The following SH3RF3 variants were observed in gnomAD, a reference collection of about 807,000 sequenced individuals.
SH3RF3 encodes the protein SH3 domain containing ring finger 3.
SH3RF3 carries 29 observed loss-of-function variants against 66.3 expected under a neutral mutation model. The observed-to-expected ratio is 0.44, with a 90% CI of 0.33 to 0.60. The LOEUF (loss-of-function observed/expected upper bound fraction) is 0.60. SH3RF3 is among the 20% of genes least tolerant of loss of function. SH3RF3 has a pLI of 0.04. For missense variants in SH3RF3, 1,194 were observed against 1,190.9 expected, an observed-to-expected ratio of 1.00 and a Z score of -0.04; for synonymous variants, 583 against 532.0, an observed-to-expected ratio of 1.10 and a Z score of -1.32.
chr2:109,324,698 C>G (rs1682107575), intron 1 of SH3RF3, among the ~76,000 whole-genome samples: 1 of 152,250 alleles, frequency 6.6e-6, no homozygotes, highest in South Asian at 2.1e-4. Context: ...GCTGTGGATC[C>G]CTGCTGGTAG....
intron 1 of SH3RF3, among the ~76,000 whole-genome samples, chr2:109,189,146 C>A (rs1277971904): frequency 6.6e-6 from 1 of 151,940 alleles, no homozygotes; most frequent in Admixed American, 6.5e-5. Flanking sequence ...CAGGCTGTGA[C>A]CTCGCTGACA....
chr2:109,144,779 A>G (rs1235404489), intron 1 of SH3RF3, among the ~76,000 whole-genome samples: 1 of 152,226 alleles, frequency 6.6e-6, no homozygotes, highest in Non-Finnish European at 1.5e-5. Flanking sequence ...TCAGTCAGGC[A>G]CCAGGCTGGA....
In SH3RF3 at chr2:109,274,330, C is replaced by T. The variant is rs146460574; in HGVS notation, c.574-73344C>T. 4.2e-3 allele frequency among the ~76,000 whole-genome samples: 632 copies of T among 152,252 alleles called. 2 individuals carry two copies. Among genetic ancestry groups the T allele is most frequent in the African/African-American group, 0.014 (588 of 41,532 alleles). The stretch of plus-strand genomic sequence containing the variant: ...AAAAACAGGTGGTCAAACAAGTATA[C>T]AAATGTTCATAGCAGCCCTATTTAC... On this transcript the variant is annotated intron_variant, in intron 1 of 9. Transcript: ENST00000309415.
chr2:109,244,525 G>A (rs1324527815), intron 1 of SH3RF3, among the ~76,000 whole-genome samples: 2 of 152,128 alleles, frequency 1.3e-5, no homozygotes, highest in Non-Finnish European at 2.9e-5. Flanking sequence ...AATTTATAGG[G>A]CCCTAAGCTG....
intron 3 of SH3RF3, among the ~76,000 whole-genome samples, chr2:109,384,077 G>A (rs1032190219): frequency 6.6e-6 from 1 of 152,188 alleles, no homozygotes; most frequent in African/African-American, 2.4e-5. Flanking sequence ...GGTTTCTGTT[G>A]GTGGCTTAGC....
chr2:109,370,404 T>C (rs1373984797), intron 2 of SH3RF3, among the ~76,000 whole-genome samples: 1 of 152,134 alleles, frequency 6.6e-6, no homozygotes, highest in East Asian at 1.9e-4. Context: ...CATGCCCGGC[T>C]TATTTTTGTC....
intron 1 of SH3RF3, among the ~76,000 whole-genome samples, chr2:109,249,352 C>G (rs1260800591): frequency 6.6e-6 from 1 of 152,188 alleles, no homozygotes; most frequent in Non-Finnish European, 1.5e-5. Flanking sequence ...AATCCCCGAG[C>G]AAGTTGGTAT....
chr2:109,289,191 C>T (rs1275705298), intron 1 of SH3RF3, among the ~76,000 whole-genome samples: 1 of 152,152 alleles, frequency 6.6e-6, no homozygotes, highest in Non-Finnish European at 1.5e-5. Flanking sequence ...AGAAAAAGCC[C>T]CTTTCTCTGC....
intron 5 of SH3RF3, among the ~76,000 whole-genome samples, chr2:109,429,824 G>C (rs1469289310): frequency 6.6e-6 from 1 of 152,230 alleles, no homozygotes; most frequent in African/African-American, 2.4e-5. Context: ...CACCCGAGCA[G>C]AGGTAGCCCT....
At chr2:109,461,272 G>C (rs1033803478) in intron 8 of SH3RF3, among the ~76,000 whole-genome samples, 2 of 152,234 alleles carry the variant, frequency 1.3e-5, no homozygotes, top group Admixed American at 1.3e-4. Context: ...GTGGCTCATG[G>C]TCAAGCATTT....
At chr2:109,228,393 A>G (rs1476487894) in intron 1 of SH3RF3, among the ~76,000 whole-genome samples, 2 of 152,098 alleles carry the variant, frequency 1.3e-5, no homozygotes, top group Non-Finnish European at 2.9e-5. Flanking sequence ...GTAGAGGAAA[A>G]CCAACTGTTT....
chr2:109,273,651 A>G (rs574309718), intron 1 of SH3RF3, among the ~76,000 whole-genome samples: 9 of 152,298 alleles, frequency 5.9e-5, no homozygotes, highest in African/African-American at 2.2e-4. Context: ...ATGATGATAG[A>G]CATTAAACAT....
chr2:109,407,173 C>T (rs1676472547), intron 4 of SH3RF3, among the ~76,000 whole-genome samples: 1 of 137,910 alleles, frequency 7.3e-6, no homozygotes, highest in East Asian at 2.0e-4. Flanking sequence ...AGGACCAGCA[C>T]CTTCATTGGC....
At chr2:109,440,700 C>T (rs1335564211) in intron 7 of SH3RF3, among the ~76,000 whole-genome samples, 2 of 152,006 alleles carry the variant, frequency 1.3e-5, no homozygotes, top group Admixed American at 6.6e-5. Context: ...GGAGGAGCCC[C>T]GAGGATGTGG....
intron 1 of SH3RF3, among the ~76,000 whole-genome samples, chr2:109,276,449 C>T (rs1018976102): frequency 1.3e-5 from 2 of 152,072 alleles, no homozygotes; most frequent in Non-Finnish European, 2.9e-5. Flanking sequence ...TCCTCCGGGA[C>T]CCAGGGAGGG....
intron 1 of SH3RF3, among the ~76,000 whole-genome samples, chr2:109,282,581 A>C (rs1232095350): frequency 1.3e-5 from 2 of 152,206 alleles, no homozygotes; most frequent in Admixed American, 6.5e-5. Flanking sequence ...AACACTGGCC[A>C]GGAGAACGGC....
chr2:109,210,715 G>T (rs569104262), intron 1 of SH3RF3, among the ~76,000 whole-genome samples: 2 of 152,268 alleles, frequency 1.3e-5, no homozygotes, highest in African/African-American at 4.8e-5. Flanking sequence ...TTCCTCCCGG[G>T]GTTCTCTCTG....
chr2:109,266,730 G>A (rs1558991244), intron 1 of SH3RF3, among the ~76,000 whole-genome samples: 1 of 152,168 alleles, frequency 6.6e-6, no homozygotes. Flanking sequence ...CAGTGACACG[G>A]CCCACGCTTG....
rs111993497 is a variant in SH3RF3 at position 109,352,533 on chromosome 2, G to A, written c.849+4584G>A. ...ACTGAGAATTGGGATGACTTTGGGGGCCGAGACGATGAGGAAACTTTAGCT... is the reference window on the plus strand; with the variant it reads ...ACTGAGAATTGGGATGACTTTGGGGACCGAGACGATGAGGAAACTTTAGCT... On this transcript the variant is annotated intron_variant, in intron 2 of 9. Coordinates refer to ENST00000309415, the MANE Select transcript of SH3RF3 (RefSeq NM_001099289.3). Among the ~76,000 whole-genome samples, 1,266 of 152,310 alleles carry A rather than the reference G, an allele frequency of 8.3e-3. 13 individuals are homozygous for A. Among genetic ancestry groups the A allele is most frequent in the Non-Finnish European group, 0.013 (863 of 68,014 alleles).
Sources: gnomAD v4.1 joint callset for allele counts (sites outside exome capture counted in the v4.1 genomes callset) on GRCh38, gnomAD v4.1.1 for gene constraint, MANE v1.5 for transcripts, NCBI Gene and HGNC (gene_info 2026-07-23, HGNC 2026-07-21) for gene names.